SEC23IP: variants seen among roughly 807,000 people sequenced by gnomAD.
SEC23IP encodes SEC23-interacting protein.
SEC23IP carries 70 observed loss-of-function variants against 113.4 expected under a neutral mutation model. The observed-to-expected ratio is 0.62, with a 90% CI of 0.51 to 0.75. The LOEUF is 0.75. SEC23IP is among the 30% of genes least tolerant of loss of function. The probability of loss-of-function intolerance (pLI) is 0.00; values close to 1 mark genes in which losing one functional copy is unlikely to be tolerated. For synonymous variants in SEC23IP, 398 were observed against 421.0 expected (o/e 0.95, Z 0.67); for missense variants, 1,160 against 1,204.9 (o/e 0.96, Z 0.55).
chr10:119,936,482 T>G (rs919632180), intron 18 of SEC23IP, among the ~76,000 whole-genome samples: 7 of 147,770 alleles, frequency 4.7e-5, no homozygotes, highest in African/African-American at 1.8e-4. Context: ...AGGTGGAGGT[T>G]GCAGTGAGCT....
intron 4 of SEC23IP, among the ~76,000 whole-genome samples, chr10:119,905,444 G>A (rs1854631810): frequency 6.6e-6 from 1 of 152,170 alleles, no homozygotes; most frequent in Non-Finnish European, 1.5e-5. Flanking sequence ...TTTGAAGCGG[G>A]ATAGATATCC....
Position 119,904,273 on chromosome 10 carries a change from T to C in SEC23IP, c.1097T>C (p.Leu366Pro), listed in dbSNP as rs753146230. The change falls in exon 4 of 19, where the codon CTA becomes CCA. Residue 366 changes from leucine (L) to proline (P), a missense_variant. Transcript: ENST00000369075. ...IPYTEEFSEK[L>P]EAEYKKAVTT... ...TATACTGAGGAGTTCAGTGAAAAAC[T>C]AGAGGTACGGGTGCTTTATTTCTTT... 5 of 1,613,918 alleles carry C rather than the reference T, an allele frequency of 3.1e-6. No individual in the cohort carries two copies. The highest frequency in any genetic ancestry group is 4.2e-6 in the Non-Finnish European group (5 of 1,179,790).
At chr10:119,904,307 C>A in intron 4 of SEC23IP, 30 bp downstream of exon 4, 1 of 1,602,280 alleles carries the variant, frequency 6.2e-7, no homozygotes, top group South Asian at 1.1e-5. Flanking sequence ...TTATGAGTTT[C>A]TTTAAAAAAT....
intron 1 of SEC23IP, among the ~76,000 whole-genome samples, chr10:119,893,556 G>C (rs1854170901): frequency 8.7e-6 from 1 of 115,324 alleles, no homozygotes; most frequent in Non-Finnish European, 1.6e-5. Flanking sequence ...GTCTTGCTCT[G>C]TCGCCCAGGC....
intron 12 of SEC23IP, among the ~76,000 whole-genome samples, chr10:119,921,814 A>G: frequency 6.6e-6 from 1 of 152,210 alleles, no homozygotes; most frequent in East Asian, 1.9e-4. Context: ...TTGTATTGTT[A>G]TTAACATGCT....
chr10:119,894,608 A>T (rs1410987632), intron 1 of SEC23IP, among the ~76,000 whole-genome samples: 1 of 152,188 alleles, frequency 6.6e-6, no homozygotes, highest in Non-Finnish European at 1.5e-5. Flanking sequence ...AGTCAAAATG[A>T]TGTCTCATTT....
chr10:119,904,013 C>T (rs1854579250), intron 3 of SEC23IP, 71 bp from the exon 4 acceptor site: 2 of 1,522,942 alleles, frequency 1.3e-6, no homozygotes, highest in East Asian at 2.3e-5. Flanking sequence ...AGCCACTGCG[C>T]CCAGCAGATT....
chr10:119,915,642 GTATCTT>G (rs1564914700), intron 7 of SEC23IP, 100 bp from the exon 8 acceptor site: 2 of 804,344 alleles, frequency 2.5e-6, no homozygotes, highest in Admixed American at 4.0e-5. Flanking sequence ...TTTAAAAAAT[GTATCTT>G]TATGTTATTA....
At chr10:119,912,850 A>G (rs1201110775) in intron 6 of SEC23IP, among the ~76,000 whole-genome samples, 1 of 152,114 alleles carries the variant, frequency 6.6e-6, no homozygotes, top group Non-Finnish European at 1.5e-5. Context: ...CACGTTGGCC[A>G]GGCTGGTCTC....
rs755037197 is a variant in SEC23IP at position 119,926,218 on chromosome 10, C to T, written c.2304C>T (p.Gly768=). 1.8e-5 allele frequency: 29 copies of T among 1,613,678 alleles called. No homozygotes were observed. The highest frequency in any genetic ancestry group is 1.6e-4 in the Middle Eastern group (1 of 6,074). ...TGAATTATGAATCTTTTGAAGTTGG[C>T]GCCGGACAGGTGAGTTTACATATTG... is the stretch of plus-strand genomic sequence containing the variant. ...VCVNYESFEV[G]AGQVSVAYNS... The change falls in exon 13 of 19, where the codon GGC becomes GGT. Residue 768 remains glycine, a synonymous_variant. Transcript: ENST00000369075.
chr10:119,943,778 T>C lies in SEC23IP; in HGVS notation c.*3213T>C, dbSNP rs1443706025. 6.6e-6 allele frequency: 1 copy of C among 152,172 alleles called. No individual in the cohort carries two copies. Among genetic ancestry groups the C allele is most frequent in the Non-Finnish European group, 1.5e-5 (1 of 68,036 alleles). The allele number at this position is 152,172 out of a possible 1,614,324, so 9.4% of individuals were successfully genotyped here. ...AATGAGTTTCACATATTTCAATATA[T>C]GAAATTTTATGATGACACATAAAAC... is the stretch of plus-strand genomic sequence containing the variant. On this transcript the variant is annotated 3_prime_UTR_variant, in exon 19 of 19. Coordinates refer to ENST00000369075, the MANE Select transcript of SEC23IP (RefSeq NM_007190.4).
At chr10:119,914,602 T>G (rs1854984427) in intron 6 of SEC23IP, 128 bp from the exon 7 acceptor site, 6 of 746,552 alleles carry the variant, frequency 8.0e-6, no homozygotes, top group Non-Finnish European at 2.3e-6. Context: ...TGAGGCTTAT[T>G]CTCTTTGAAG....
chr10:119,910,708 A>AG (rs1854827656), intron 5 of SEC23IP, among the ~76,000 whole-genome samples: 3 of 152,234 alleles, frequency 2.0e-5, no homozygotes, highest in Non-Finnish European at 4.4e-5. Flanking sequence ...TTAAGAAATA[A>AG]GGTCTCACTC....
chr10:119,906,776 A>C (rs921700218), intron 4 of SEC23IP, among the ~76,000 whole-genome samples: 2 of 151,714 alleles, frequency 1.3e-5, no homozygotes, highest in Non-Finnish European at 2.9e-5. Flanking sequence ...GGGTTTCACC[A>C]TGTTGGCCAG....
Position 119,933,181 on chromosome 10 carries a change from A to G in SEC23IP, c.2921+14A>G, listed in dbSNP as rs774064064. On this transcript the variant is annotated intron_variant, in intron 17 of 18. Transcript: ENST00000369075. ...CTTATGCTATTGGTAAGTGTTCTTA[A>G]ATTTGGTAACATTTGAGTGGGCTTT... 2 of 1,610,808 alleles carry G rather than the reference A, an allele frequency of 1.2e-6. No individual in the cohort carries two copies.
At chr10:119,931,360 T>C (rs922517321) in intron 15 of SEC23IP, among the ~76,000 whole-genome samples, 9 of 150,184 alleles carry the variant, frequency 6.0e-5, no homozygotes, top group Non-Finnish European at 3.0e-5. Context: ...GGCCTCTTTT[T>C]ATTTTTATTT....
intron 12 of SEC23IP, among the ~76,000 whole-genome samples, chr10:119,923,661 G>T (rs1262531593): frequency 6.6e-6 from 1 of 151,548 alleles, no homozygotes; most frequent in Non-Finnish European, 1.5e-5. Flanking sequence ...CCATTCTCCT[G>T]CTTCAGCCTC....
At position 119,892,887 on chromosome 10, in the gene SEC23IP, G is replaced by T; in HGVS notation, c.105G>T (p.Val35=). 1 of 1,613,678 alleles carries T rather than the reference G, an allele frequency of 6.2e-7. No individual in the cohort carries two copies. ...SSSATEFSFN[V]PFIPVTQASA... Reference sequence around the variant, plus strand: ...CGGCCACGGAGTTCAGCTTCAATGTGCCCTTCATCCCAGTCACCCAGGCCT... The same window carrying T: ...CGGCCACGGAGTTCAGCTTCAATGTTCCCTTCATCCCAGTCACCCAGGCCT... Residue 35 remains valine (V), a synonymous_variant, in exon 1 of 19, where the codon GTG becomes GTT. Coordinates refer to ENST00000369075, the MANE Select transcript of SEC23IP (RefSeq NM_007190.4).
At chr10:119,923,809 A>G (rs1855328984) in intron 12 of SEC23IP, among the ~76,000 whole-genome samples, 2 of 152,164 alleles carry the variant, frequency 1.3e-5, no homozygotes, top group South Asian at 2.1e-4. Context: ...TTGCCCTCCC[A>G]AAGTGCTGGG....
Sources: gnomAD v4.1 joint callset for allele counts (sites outside exome capture counted in the v4.1 genomes callset) on GRCh38, gnomAD v4.1.1 for gene constraint, MANE v1.5 for transcripts, NCBI Gene and HGNC (gene_info 2026-07-23, HGNC 2026-07-21) for gene names.